The following MANSC4 variants were observed in gnomAD, a reference collection of about 807,000 sequenced individuals.
MANSC4 encodes MANSC domain containing 4.
Under a neutral mutation model 11.4 loss-of-function variants are expected in MANSC4, and 11 were observed. The ratio of observed to expected loss-of-function variants is 0.97; its 90% CI spans 0.61 to 1.60. MANSC4 has a LOEUF of 1.60. MANSC4 is among the 40% of genes most tolerant of loss of function. The pLI, the probability that MANSC4 is intolerant of heterozygous loss-of-function variation, is 0.00. For missense variants in MANSC4, 354 were observed against 404.6 expected (o/e 0.88, Z 1.07); for synonymous variants, 123 against 147.1 (o/e 0.84, Z 1.19).
intron 1 of MANSC4, among the ~76,000 whole-genome samples, chr12:27,776,698 G>A (rs146813805): frequency 2.6e-5 from 4 of 152,228 alleles, no homozygotes; most frequent in African/African-American, 9.6e-5. Flanking sequence ...AGGCTTCATT[G>A]AGCCATAATA....
chr12:27,775,770 T>G (rs1410164787), intron 1 of MANSC4, among the ~76,000 whole-genome samples: 4 of 103,118 alleles, frequency 3.9e-5, no homozygotes, highest in Non-Finnish European at 1.0e-4. Context: ...CCAAAATCTG[T>G]TTTTTTTTTT....
intron 1 of MANSC4, among the ~76,000 whole-genome samples, chr12:27,772,630 G>A (rs546307024): frequency 2.0e-5 from 3 of 152,210 alleles, no homozygotes; most frequent in African/African-American, 7.2e-5. Flanking sequence ...AAGCCACATA[G>A]AATACACAAA....
chr12:27,765,580 C>T lies in MANSC4; in HGVS notation c.364+1085G>A, dbSNP rs573918041. ...TTCTTCCATGAACCTCCTCTGAATACGCTGACTTTCACTAGCCTCCCCTTT... is the reference window on the plus strand; with the variant it reads ...TTCTTCCATGAACCTCCTCTGAATATGCTGACTTTCACTAGCCTCCCCTTT... On this transcript the variant is annotated intron_variant, in intron 3 of 3. Transcript: ENST00000381273. Among the ~76,000 whole-genome samples the T allele has an allele frequency of 1.8e-4, 28 of 152,304 alleles. 1 individual carries two copies. Among genetic ancestry groups the T allele is most frequent in the African/African-American group, 6.5e-4 (27 of 41,568 alleles).
chr12:27,762,903 C>G lies in MANSC4; in HGVS notation c.858G>C (p.Leu286=), dbSNP rs892880002. The G allele has an allele frequency of 6.4e-7, 1 of 1,552,218 alleles. No individual in the cohort carries two copies. Among genetic ancestry groups the G allele is most frequent in the African/African-American group, 1.4e-5 (1 of 73,166 alleles). Residue 286 remains leucine (L), a synonymous_variant, in exon 4 of 4, where the codon CTG becomes CTC. Coordinates refer to ENST00000381273, the MANE Select transcript of MANSC4 (RefSeq NM_001146221.5). Reference sequence around the variant, plus strand: ...CAGAGGTGCAAAGGGCCACAGAAACCAGCCAAGTCTTTGAAGTCACAGATA... The same window carrying G: ...CAGAGGTGCAAAGGGCCACAGAAACGAGCCAAGTCTTTGAAGTCACAGATA... ...DEVSVTSKTW[L]VSVALCTSVI...
At chr12:27,778,931 C>A (rs1320466959) in intron 1 of MANSC4, among the ~76,000 whole-genome samples, 3 of 152,310 alleles carry the variant, frequency 2.0e-5, no homozygotes, top group Middle Eastern at 3.4e-3. Flanking sequence ...TGCAGTGGCG[C>A]GATCTCGGCT....
intron 2 of MANSC4, among the ~76,000 whole-genome samples, chr12:27,769,230 A>ACTT (rs1284481771): frequency 6.6e-6 from 1 of 152,226 alleles, no homozygotes; most frequent in East Asian, 1.9e-4. Context: ...AACTATTCAA[A>ACTT]CTTAAGACTT....
chr12:27,769,809 A>G lies in MANSC4; in HGVS notation c.229+1239T>C, dbSNP rs556407847. On this transcript the variant is annotated intron_variant, in intron 2 of 3. Coordinates refer to ENST00000381273, the MANE Select transcript of MANSC4 (RefSeq NM_001146221.5). ...AAACCATGGAAAGAAAGTGTAGAAC[A>G]ACCAAGGGAATTATTTTAAAGTGCT... Among the ~76,000 whole-genome samples, 4 of 152,338 alleles carry G rather than the reference A, an allele frequency of 2.6e-5. No homozygotes were observed. In the South Asian group the frequency reaches 8.3e-4, roughly 32 times the overall value.
At chr12:27,768,882 G>A (rs1363805788) in intron 2 of MANSC4, among the ~76,000 whole-genome samples, 3 of 151,898 alleles carry the variant, frequency 2.0e-5, no homozygotes, top group Non-Finnish European at 2.9e-5. Flanking sequence ...TGCCTGCCTC[G>A]GCCTCCCAAA....
Position 27,763,291 on chromosome 12 carries a change from A to G in MANSC4, c.470T>C (p.Leu157Ser), listed in dbSNP as rs11049126. ...ATTTATCGTGGTGGTTTGTTTATCT[A>G]AATTCATAGCTTTTAGAATCCTTAG... ...DRLRILKAMN[L>S]DKQTTTINGM... is the part of the protein sequence containing the mutation. The change falls in exon 4 of 4, where the codon TTA becomes TCA. Residue 157 changes from leucine to serine, a missense_variant. By Grantham distance (145) the Leu-to-Ser change is moderately radical. Transcript: ENST00000381273. 237,280 of 1,551,076 alleles carry G rather than the reference A, an allele frequency of 0.15. 19,031 individuals carry two copies. Among genetic ancestry groups the G allele is most frequent in the East Asian group, 0.18 (7,304 of 40,920 alleles).
At chr12:27,763,543 G>T in intron 3 of MANSC4, 147 bp from the exon 4 acceptor site, 2 of 696,056 alleles carry the variant, frequency 2.9e-6, no homozygotes, top group Non-Finnish European at 2.4e-6. Context: ...ACTTCTCAAA[G>T]GCTTCCAAAC....
chr12:27,769,818 AATT>A (rs2062092332), intron 2 of MANSC4, among the ~76,000 whole-genome samples: 1 of 152,236 alleles, frequency 6.6e-6, no homozygotes, highest in Non-Finnish European at 1.5e-5. Context: ...CAACCAAGGG[AATT>A]ATTTTAAAGT....
chr12:27,780,033 G>A lies in MANSC4; in HGVS notation c.-307+177C>T, dbSNP rs1041137984. The A allele has an allele frequency of 6.4e-6, 1 of 155,482 alleles. No homozygotes were observed. Among genetic ancestry groups the A allele is most frequent in the Admixed American group, 6.5e-5 (1 of 15,328 alleles). The allele number at this position is 155,482 out of a possible 1,614,324, so 9.6% of individuals were successfully genotyped here. ...GGGAGGAGGCTGCTGGCTGGGAGCTGGAATTCCCTTCCCGCCTGGCGCCGC... is the reference window on the plus strand; with the variant it reads ...GGGAGGAGGCTGCTGGCTGGGAGCTAGAATTCCCTTCCCGCCTGGCGCCGC... On this transcript the variant is annotated intron_variant, in intron 1 of 3. Transcript: ENST00000381273. This position sits in a 1 kb window ranked among gnomAD's most constrained non-coding sequence, Gnocchi z 8.8.
chr12:27,768,417 A>AAAAGAAAAAG (rs1565477076), intron 2 of MANSC4, among the ~76,000 whole-genome samples: 1 of 95,622 alleles, frequency 1.0e-5, no homozygotes, highest in Non-Finnish European at 2.6e-5. Context: ...AAAAAAAAAA[A>AAAAGAAAAAG]AAAAAGAAAA....
Position 27,762,867 on chromosome 12 carries a change from G to A in MANSC4, c.894C>T (p.Leu298=), listed in dbSNP as rs757110296. ...ATGCCAGGATGACTATACAACAGCC[G>A]AGAAAGATGACAGAGGTGCAAAGGG... The part of the protein sequence containing the change: ...SVALCTSVIF[L]GCCIVILASG... Residue 298 remains leucine (L), a synonymous_variant, in exon 4 of 4, where the codon CTC becomes CTT. Coordinates refer to ENST00000381273, the MANE Select transcript of MANSC4 (RefSeq NM_001146221.5). 1.2e-5 allele frequency: 19 copies of A among 1,551,972 alleles called. No individual in the cohort carries two copies. The highest frequency in any genetic ancestry group is 1.4e-5 in the Non-Finnish European group (16 of 1,147,118).
chr12:27,774,516 T>C (rs929655215), intron 1 of MANSC4, among the ~76,000 whole-genome samples: 3 of 152,184 alleles, frequency 2.0e-5, no homozygotes, highest in Non-Finnish European at 4.4e-5. Context: ...TTCAAGCACT[T>C]ACCATCTTAA....
intron 2 of MANSC4, among the ~76,000 whole-genome samples, chr12:27,770,187 G>C (rs1226436142): frequency 6.9e-6 from 1 of 144,496 alleles, no homozygotes; most frequent in Admixed American, 6.8e-5. Flanking sequence ...TTGTGTGTGA[G>C]AGAGAGAGAG....
Position 27,779,194 on chromosome 12 carries a change from GT to G in MANSC4, c.-307+1015del, listed in dbSNP as rs1471761188. On this transcript the variant is annotated intron_variant, in intron 1 of 3. Coordinates refer to ENST00000381273, the MANE Select transcript of MANSC4 (RefSeq NM_001146221.5). ...ACCGCACGTGTGGTCTCTCTTAATA[GT>G]CCTCAGATGATGGGGGCAGGGTAGG... Among the ~76,000 whole-genome samples the G allele has an allele frequency of 2.0e-5, 3 of 152,092 alleles. No individual in the cohort carries two copies. The East Asian group carries it at 5.8e-4, about 29-fold the overall frequency.
chr12:27,769,542 G>A (rs1183176334), intron 2 of MANSC4, among the ~76,000 whole-genome samples: 3 of 152,212 alleles, frequency 2.0e-5, no homozygotes, highest in African/African-American at 7.2e-5. Flanking sequence ...CATGCTACGG[G>A]AAAATTCAAG....
At chr12:27,771,788 T>C (rs776556746) in intron 1 of MANSC4, among the ~76,000 whole-genome samples, 5 of 152,208 alleles carry the variant, frequency 3.3e-5, no homozygotes, top group Non-Finnish European at 7.3e-5. Flanking sequence ...GATTGTTTTT[T>C]AAAAAATCAT....
Sources: gnomAD v4.1 joint callset for allele counts (sites outside exome capture counted in the v4.1 genomes callset) on GRCh38, gnomAD v4.1.1 for gene constraint, Gnocchi (gnomAD v3.1) non-coding constraint, MANE v1.5 for transcripts, NCBI Gene and HGNC (gene_info 2026-07-23, HGNC 2026-07-21) for gene names.